Variants in GALNT13 observed in about 807,000 individuals in gnomAD.
GALNT13 encodes polypeptide N-acetylgalactosaminyltransferase 13, also known as UDP-GalNAc:polypeptide N-acetylgalactosaminyltransferase 13.
Under a neutral mutation model 64.2 loss-of-function variants are expected in GALNT13, and 28 were observed. The ratio of observed to expected loss-of-function variants is 0.44; its 90% CI spans 0.32 to 0.60. The LOEUF (loss-of-function observed/expected upper bound fraction) is 0.60, where lower values mean the gene tolerates loss of function less well. Ranked by LOEUF, GALNT13 falls within the 20% of genes least tolerant of loss-of-function variation. The pLI, the probability that GALNT13 is intolerant of heterozygous loss-of-function variation, is 0.05. For synonymous variants in GALNT13, 214 were observed against 224.6 expected (o/e 0.95, Z 0.42); for missense variants, 577 against 669.8 (o/e 0.86, Z 1.53).
intron 3 of GALNT13, among the ~76,000 whole-genome samples, chr2:154,060,016 T>C (rs2105364798): frequency 6.6e-6 from 1 of 152,272 alleles, no homozygotes; most frequent in African/African-American, 2.4e-5. Context: ...AGGTAATTAC[T>C]TTTAGATGAA....
At chr2:153,239,197 A>G in the GALNT13 span, among the ~76,000 whole-genome samples, 1 of 152,068 alleles carries the variant, frequency 6.6e-6, no homozygotes, top group Admixed American at 6.6e-5. Flanking sequence ...GTGTATTGCA[A>G]CTTTACTGAA....
In GALNT13 at chr2:154,303,142, AC is replaced by A. The variant is rs537919957; in HGVS notation, c.1156+1554del. Among the ~76,000 whole-genome samples the A allele has an allele frequency of 1.9e-3, 283 of 152,164 alleles. 1 individual carries two copies. Among genetic ancestry groups the A allele is most frequent in the African/African-American group, 6.6e-3 (275 of 41,534 alleles). On this transcript the variant is annotated intron_variant, in intron 9 of 12. Coordinates refer to ENST00000392825, the MANE Select transcript of GALNT13 (RefSeq NM_052917.4). ...AAGAAAATTTAGGACAGGGACACACACGAGGAGTTTAGGAGTGGAGGTTAAA... is the reference window on the plus strand; with the variant it reads ...AAGAAAATTTAGGACAGGGACACACAGAGGAGTTTAGGAGTGGAGGTTAAA...
the GALNT13 span, among the ~76,000 whole-genome samples, chr2:153,806,272 A>G: frequency 6.6e-6 from 1 of 152,106 alleles, no homozygotes; most frequent in African/African-American, 2.4e-5. Flanking sequence ...AGACAATTTG[A>G]AGAAGCTCCC....
chr2:153,526,296 G>T, the GALNT13 span, among the ~76,000 whole-genome samples: 1 of 152,248 alleles, frequency 6.6e-6, no homozygotes, highest in Non-Finnish European at 1.5e-5. Context: ...CAATCCTAGT[G>T]GTGGCCACAG....
At chr2:154,307,608 AT>A (rs34371448) in intron 9 of GALNT13, among the ~76,000 whole-genome samples, 40,338 of 150,210 alleles carry the variant, frequency 0.27, 6,028 homozygotes, top group Admixed American at 0.38. Context: ...TCAAGAATAG[AT>A]TTTTTTTTTT....
the GALNT13 span, among the ~76,000 whole-genome samples, chr2:153,422,971 G>A: frequency 6.6e-6 from 1 of 151,800 alleles, no homozygotes; most frequent in Non-Finnish European, 1.5e-5. Context: ...TATTCACACT[G>A]TTCTAAAGTA....
At chr2:154,440,356 C>T (rs1701224961) in intron 12 of GALNT13, among the ~76,000 whole-genome samples, 1 of 151,830 alleles carries the variant, frequency 6.6e-6, no homozygotes, top group Admixed American at 6.6e-5. Flanking sequence ...TTTCATTTCT[C>T]AAATAACTAC....
At chr2:154,377,363 G>T (rs771584159) in intron 9 of GALNT13, among the ~76,000 whole-genome samples, 60 of 151,886 alleles carry the variant, frequency 4.0e-4, no homozygotes, top group Non-Finnish European at 7.2e-4. Context: ...TTTCATTTTT[G>T]CAACTGAAAA....
chr2:154,164,384 G>A (rs1303704004), intron 4 of GALNT13, among the ~76,000 whole-genome samples: 1 of 151,992 alleles, frequency 6.6e-6, no homozygotes, highest in Non-Finnish European at 1.5e-5. Flanking sequence ...AATTATATTT[G>A]AAATTTGGAG....
chr2:153,985,471 T>G (rs1323255157), intron 3 of GALNT13, among the ~76,000 whole-genome samples: 2 of 152,032 alleles, frequency 1.3e-5, no homozygotes, highest in African/African-American at 4.8e-5. Context: ...ATAATTTACA[T>G]ATGGATTCCT....
chr2:154,097,008 A>C (rs1377993771), intron 3 of GALNT13, among the ~76,000 whole-genome samples: 1 of 64,824 alleles, frequency 1.5e-5, no homozygotes, highest in Non-Finnish European at 3.4e-5. Flanking sequence ...GAAAATAAGT[A>C]AGTAAGTAAG....
chr2:153,577,338 T>C, the GALNT13 span, among the ~76,000 whole-genome samples: 1 of 152,038 alleles, frequency 6.6e-6, no homozygotes, highest in Non-Finnish European at 1.5e-5. Flanking sequence ...AGTGTCAGAG[T>C]ATTGTTGAAT....
chr2:154,139,114 T>G (rs1405885132), intron 3 of GALNT13, among the ~76,000 whole-genome samples: 1 of 151,982 alleles, frequency 6.6e-6, no homozygotes, highest in African/African-American at 2.4e-5. Context: ...GAGATGCCTA[T>G]TCTCTTATAT....
At chr2:154,024,018 T>C (rs1042285296) in intron 3 of GALNT13, among the ~76,000 whole-genome samples, 1 of 152,232 alleles carries the variant, frequency 6.6e-6, no homozygotes, top group African/African-American at 2.4e-5. Flanking sequence ...TGTTGAATAT[T>C]GGTCCCCACT....
chr2:154,028,164 C>T (rs1359779815), intron 3 of GALNT13, among the ~76,000 whole-genome samples: 1 of 152,106 alleles, frequency 6.6e-6, no homozygotes, highest in Non-Finnish European at 1.5e-5. Flanking sequence ...GAAATGTTGA[C>T]ACTGTCCTAA....
At chr2:153,153,232 C>A in the GALNT13 span, among the ~76,000 whole-genome samples, 1 of 151,938 alleles carries the variant, frequency 6.6e-6, no homozygotes, top group Non-Finnish European at 1.5e-5. Context: ...CCTTTGCCTG[C>A]TTTTTAATGA....
At chr2:153,782,904 T>C in the GALNT13 span, among the ~76,000 whole-genome samples, 1,780 of 152,256 alleles carry the variant, frequency 0.012, 43 homozygotes, top group African/African-American at 0.041. Flanking sequence ...CTCACTCACA[T>C]GGTTAGTGAG....
the GALNT13 span, among the ~76,000 whole-genome samples, chr2:153,375,087 C>T: frequency 0.012 from 1,890 of 152,150 alleles, 23 homozygotes; most frequent in Non-Finnish European, 0.019. Context: ...GGAGTTTGGC[C>T]TACTTTAAAA....
At chr2:153,273,947 G>A in the GALNT13 span, among the ~76,000 whole-genome samples, 1 of 152,046 alleles carries the variant, frequency 6.6e-6, no homozygotes, top group South Asian at 2.1e-4. Context: ...ATTTATTTTT[G>A]ATTGTTTATC....
Sources: allele counts gnomAD v4.1 joint callset (sites outside exome capture counted in the v4.1 genomes callset), GRCh38; gene constraint gnomAD v4.1.1; transcripts MANE v1.5; gene names NCBI Gene and HGNC (gene_info 2026-07-23, HGNC 2026-07-21).